CEP112: variants seen among roughly 807,000 people sequenced by gnomAD.
CEP112 encodes the protein centrosomal protein 112.
In CEP112, 127 loss-of-function variants were observed where a neutral mutation model predicts 153.0. The observed-to-expected ratio is 0.83, with a 90% CI of 0.72 to 0.96. The LOEUF is 0.96. CEP112 is among the 40% of genes least tolerant of loss of function. The pLI, the probability that CEP112 is intolerant of heterozygous loss-of-function variation, is 0.00. For synonymous variants in CEP112, 358 were observed against 374.4 expected (o/e 0.96, Z 0.51); for missense variants, 1,089 against 1,101.2 (o/e 0.99, Z 0.16).
intron 24 of CEP112, among the ~76,000 whole-genome samples, chr17:65,674,285 T>A (rs143641611): frequency 4.3e-4 from 66 of 152,318 alleles, no homozygotes; most frequent in African/African-American, 1.4e-3. Context: ...TAGTAATGAA[T>A]GATTAGATAA....
chr17:65,963,671 AGG>A (rs753540478), intron 17 of CEP112, among the ~76,000 whole-genome samples: 20 of 137,392 alleles, frequency 1.5e-4, no homozygotes, highest in Admixed American at 2.1e-4. Flanking sequence ...AGATATAGAT[AGG>A]GGTGTGTGTG....
intron 18 of CEP112, among the ~76,000 whole-genome samples, chr17:65,937,026 C>T (rs942239234): frequency 1.1e-4 from 17 of 149,422 alleles, no homozygotes; most frequent in South Asian, 2.2e-4. Context: ...CTGTGTTGGC[C>T]GGGCTGGTCT....
At chr17:66,141,290 C>T (rs944238796) in intron 4 of CEP112, among the ~76,000 whole-genome samples, 9 of 151,750 alleles carry the variant, frequency 5.9e-5, no homozygotes, top group Admixed American at 5.9e-4. Context: ...CAATTGTAAG[C>T]ACATTTTTAT....
intron 18 of CEP112, among the ~76,000 whole-genome samples, chr17:65,939,851 A>G (rs536448082): frequency 6.6e-6 from 1 of 152,268 alleles, no homozygotes; most frequent in Admixed American, 6.5e-5. Flanking sequence ...GGATATGACA[A>G]TAAAAGCACA....
intron 21 of CEP112, among the ~76,000 whole-genome samples, chr17:65,834,652 T>TCTCA (rs1169326012): frequency 1.3e-5 from 2 of 152,088 alleles, no homozygotes; most frequent in African/African-American, 2.4e-5. Context: ...TGAGATACCA[T>TCTCA]CTCACACCAG....
chr17:66,158,570 C>T (rs1173910358), intron 4 of CEP112, among the ~76,000 whole-genome samples: 2 of 152,014 alleles, frequency 1.3e-5, no homozygotes, highest in East Asian at 3.9e-4. Context: ...CGAGATCGCG[C>T]CACTGCACTC....
chr17:66,059,604 C>T (rs893659177), intron 11 of CEP112, among the ~76,000 whole-genome samples: 2 of 152,096 alleles, frequency 1.3e-5, no homozygotes, highest in Non-Finnish European at 2.9e-5. Context: ...TGAGATACCA[C>T]CTCACACCAG....
At chr17:66,024,722 C>T (rs748698005) in intron 16 of CEP112, among the ~76,000 whole-genome samples, 16 of 152,004 alleles carry the variant, frequency 1.1e-4, no homozygotes, top group Non-Finnish European at 2.1e-4. Context: ...CCATACTGCA[C>T]AAAGCAATCT....
chr17:65,888,565 G>A (rs2059362870), intron 20 of CEP112, among the ~76,000 whole-genome samples: 1 of 151,682 alleles, frequency 6.6e-6, no homozygotes, highest in African/African-American at 2.4e-5. Context: ...ATCTATTCAG[G>A]TATCCATTTT....
At chr17:66,145,287 T>C (rs1425132193) in intron 4 of CEP112, among the ~76,000 whole-genome samples, 1 of 152,154 alleles carries the variant, frequency 6.6e-6, no homozygotes. Flanking sequence ...TAGCCACAAG[T>C]CCTTTATCAG....
At chr17:65,718,352 G>A (rs547105746) in intron 23 of CEP112, among the ~76,000 whole-genome samples, 1 of 151,328 alleles carries the variant, frequency 6.6e-6, no homozygotes, top group African/African-American at 2.4e-5. Context: ...AGGTTGCAGT[G>A]AGCCGAGGTT....
intron 8 of CEP112, among the ~76,000 whole-genome samples, chr17:66,091,076 C>T (rs2068114916): frequency 6.6e-6 from 1 of 151,848 alleles, no homozygotes; most frequent in South Asian, 2.1e-4. Flanking sequence ...GAGTGTAATA[C>T]AATAATAGTA....
At chr17:65,682,159 A>G (rs1313438965) in intron 24 of CEP112, among the ~76,000 whole-genome samples, 2 of 149,710 alleles carry the variant, frequency 1.3e-5, no homozygotes, top group African/African-American at 4.9e-5. Context: ...GCGCCCAGCT[A>G]ATTTTTGTAT....
chr17:66,028,713 C>T, intron 14 of CEP112, among the ~76,000 whole-genome samples: 1 of 151,584 alleles, frequency 6.6e-6, no homozygotes, highest in East Asian at 1.9e-4. Context: ...AAATGTAACA[C>T]TGACATAAAA....
intron 20 of CEP112, among the ~76,000 whole-genome samples, chr17:65,852,401 TCTCC>T (rs1393140243): frequency 0.033 from 344 of 10,428 alleles, 6 homozygotes; most frequent in Middle Eastern, 0.1. Context: ...CTCCCTTCCC[TCTCC>T]CTCCCTCCCT....
At chr17:65,901,566 G>A (rs2059850953) in intron 20 of CEP112, among the ~76,000 whole-genome samples, 2 of 152,102 alleles carry the variant, frequency 1.3e-5, no homozygotes, top group South Asian at 4.1e-4. Flanking sequence ...TCTGCCAAAT[G>A]GCTTCCAACA....
intron 10 of CEP112, among the ~76,000 whole-genome samples, chr17:66,063,484 T>C (rs2067000138): frequency 6.6e-6 from 1 of 151,842 alleles, no homozygotes; most frequent in South Asian, 2.1e-4. Flanking sequence ...TAATGGACTT[T>C]GGAGATTGAG....
intron 14 of CEP112, among the ~76,000 whole-genome samples, chr17:66,028,640 TA>T (rs1424603054): frequency 6.6e-6 from 1 of 151,788 alleles, no homozygotes; most frequent in Non-Finnish European, 1.5e-5. Context: ...AATGCTGACA[TA>T]AAAATATAAT....
chr17:65,878,277 T>C (rs916167386), intron 20 of CEP112, among the ~76,000 whole-genome samples: 4 of 152,170 alleles, frequency 2.6e-5, no homozygotes, highest in Admixed American at 1.3e-4. Context: ...ATTGTGGTGA[T>C]TATTCCACAA....
Sources: gnomAD v4.1 joint callset for allele counts (sites outside exome capture counted in the v4.1 genomes callset) on GRCh38, gnomAD v4.1.1 for gene constraint, MANE v1.5 for transcripts, NCBI Gene and HGNC (gene_info 2026-07-23, HGNC 2026-07-21) for gene names.